Variants in ATP2B2 observed in about 807,000 individuals in gnomAD.
ATP2B2 encodes plasma membrane calcium-transporting ATPase 2.
ATP2B2 carries 15 observed loss-of-function variants against 120.0 expected under a neutral mutation model. That is an observed-to-expected ratio of 0.12 (90% CI 0.08 to 0.19). The LOEUF (loss-of-function observed/expected upper bound fraction) is 0.19. Among genes scored for constraint, ATP2B2 ranks in the 10% least tolerant of loss-of-function variants. The probability of loss-of-function intolerance (pLI) is 1.00; values close to 1 mark genes in which losing one functional copy is unlikely to be tolerated. For missense variants in ATP2B2, 1,045 were observed against 1,719.8 expected, an observed-to-expected ratio of 0.61 and a Z score of 6.94; for synonymous variants, 694 against 700.3, an observed-to-expected ratio of 0.99 and a Z score of 0.14.
At chr3:10,705,838 G>C (rs984417895) in intron 1 of ATP2B2, among the ~76,000 whole-genome samples, 2 of 152,182 alleles carry the variant, frequency 1.3e-5, no homozygotes, top group Non-Finnish European at 2.9e-5. Context: ...AGTGTGGTTG[G>C]ACCTTCCTGG....
At chr3:10,706,308 A>T (rs922114643) in intron 1 of ATP2B2, among the ~76,000 whole-genome samples, 12 of 152,178 alleles carry the variant, frequency 7.9e-5, no homozygotes, top group Non-Finnish European at 1.5e-4. Context: ...GTACAGATGG[A>T]GGAGGACTGA....
At chr3:10,516,040 G>A (rs1006679447) in intron 3 of ATP2B2, among the ~76,000 whole-genome samples, 11 of 152,164 alleles carry the variant, frequency 7.2e-5, no homozygotes, top group African/African-American at 1.9e-4. Flanking sequence ...AATCTGCCAA[G>A]GTGGGAGCAT....
chr3:10,664,678 G>A (rs527762878), intron 1 of ATP2B2, among the ~76,000 whole-genome samples: 14 of 152,138 alleles, frequency 9.2e-5, no homozygotes, highest in Non-Finnish European at 2.1e-4. Flanking sequence ...TTTAATATGC[G>A]TGTTCTCAGA....
At chr3:10,683,987 C>T (rs1367426537) in intron 1 of ATP2B2, among the ~76,000 whole-genome samples, 1 of 151,600 alleles carries the variant, frequency 6.6e-6, no homozygotes, top group African/African-American at 2.4e-5. Flanking sequence ...GTGCTCTTTC[C>T]AGAAACCTCA....
chr3:10,552,508 C>T (rs868713469), intron 2 of ATP2B2, among the ~76,000 whole-genome samples: 1 of 152,380 alleles, frequency 6.6e-6, no homozygotes. Context: ...AAAGTCTTCT[C>T]ACATACTTAA....
chr3:10,483,373 G>A (rs34890), intron 1 of ATP2B2, among the ~76,000 whole-genome samples: 102,251 of 152,122 alleles, frequency 0.67, 34,695 homozygotes, highest in Admixed American at 0.73. Context: ...CAACCTACCT[G>A]TGTCCCTACC....
chr3:10,655,139 T>C (rs2070582822), intron 1 of ATP2B2, among the ~76,000 whole-genome samples: 1 of 152,202 alleles, frequency 6.6e-6, no homozygotes. Context: ...CAAGACATAA[T>C]ATGAAATACT....
intron 8 of ATP2B2, among the ~76,000 whole-genome samples, chr3:10,382,047 T>C (rs1193619849): frequency 6.6e-6 from 1 of 152,114 alleles, no homozygotes; most frequent in Admixed American, 6.5e-5. Context: ...TTAGTAGTAA[T>C]GTGTTATTAT....
intron 1 of ATP2B2, among the ~76,000 whole-genome samples, chr3:10,704,291 A>G (rs2071865029): frequency 6.6e-6 from 1 of 152,216 alleles, no homozygotes; most frequent in African/African-American, 2.4e-5. Context: ...AGCATCTCAC[A>G]TAGCAAGTGG....
intron 2 of ATP2B2, among the ~76,000 whole-genome samples, chr3:10,604,064 T>C (rs1252794934): frequency 6.6e-6 from 1 of 152,036 alleles, no homozygotes; most frequent in Non-Finnish European, 1.5e-5. Flanking sequence ...CCTCCATACT[T>C]TTCTCCTCCC....
At chr3:10,341,468 G>A (rs1160741902) in intron 19 of ATP2B2, among the ~76,000 whole-genome samples, 1 of 152,016 alleles carries the variant, frequency 6.6e-6, no homozygotes, top group Non-Finnish European at 1.5e-5. Context: ...GCACCATCAC[G>A]CCCGGCTAAT....
At chr3:10,683,395 G>C (rs2125705129) in intron 1 of ATP2B2, among the ~76,000 whole-genome samples, 1 of 152,148 alleles carries the variant, frequency 6.6e-6, no homozygotes, top group East Asian at 1.9e-4. Context: ...GGGAAGGCAG[G>C]AATAGGGTCA....
Position 10,375,692 on chromosome 3 carries a change from T to G in ATP2B2, c.1202-48A>C. The G allele has an allele frequency of 6.4e-7, 1 of 1,566,884 alleles. No individual in the cohort carries two copies. The highest frequency in any genetic ancestry group is 8.8e-7 in the Non-Finnish European group (1 of 1,141,952). On this transcript the variant is annotated intron_variant, in intron 10 of 22. Transcript: ENST00000360273. This position sits in a 1 kb window ranked among gnomAD's most constrained non-coding sequence, Gnocchi z 4.2. The stretch of plus-strand genomic sequence containing the variant: ...TTGGGGGGTTCCAGGAAGTGGAGGC[T>G]GGGGGTGGTGTGGACCAAATCTTTG...
intron 2 of ATP2B2, among the ~76,000 whole-genome samples, chr3:10,590,851 G>C (rs567984327): frequency 5.9e-5 from 9 of 152,130 alleles, no homozygotes; most frequent in Admixed American, 2.0e-4. Flanking sequence ...AAGGCCAGCT[G>C]TTCATGTCCA....
At chr3:10,350,349 TC>T (rs2060544242) in intron 15 of ATP2B2, 48 bp downstream of exon 15, 1 of 1,613,004 alleles carries the variant, frequency 6.2e-7, no homozygotes, top group Admixed American at 1.7e-5. Flanking sequence ...ACCTCCCAGC[TC>T]CCATCTGAGC....
intron 1 of ATP2B2, among the ~76,000 whole-genome samples, chr3:10,457,766 T>C (rs2064324503): frequency 6.6e-6 from 1 of 151,950 alleles, no homozygotes; most frequent in South Asian, 2.1e-4. Context: ...TTTAGTGCTA[T>C]TTTTAGACAA....
chr3:10,681,063 G>T (rs1337287741), intron 1 of ATP2B2, among the ~76,000 whole-genome samples: 1 of 152,156 alleles, frequency 6.6e-6, no homozygotes, highest in Non-Finnish European at 1.5e-5. Flanking sequence ...TGATATGCCT[G>T]CTCCCCTTTC....
chr3:10,512,082 G>A (rs1239562505), intron 3 of ATP2B2, among the ~76,000 whole-genome samples: 1 of 152,174 alleles, frequency 6.6e-6, no homozygotes, highest in East Asian at 1.9e-4. Flanking sequence ...CAACGTAGAG[G>A]TGAGGAAACG....
rs1218006207 is a variant in ATP2B2 at position 10,340,458 on chromosome 3, C to T, written c.3129+35G>A. On this transcript the variant is annotated intron_variant, in intron 20 of 22. Coordinates refer to ENST00000360273, the MANE Select transcript of ATP2B2 (RefSeq NM_001001331.4). This position sits in a 1 kb window ranked among gnomAD's most constrained non-coding sequence, Gnocchi z 5.0. ...CCAGGGGCTCCAGCCGCTTGCTGCC[C>T]ACCCCGGGCCTGGTTAGGGTGGGGG... The T allele has an allele frequency of 6.2e-7, 1 of 1,614,092 alleles. No homozygotes were observed. Among genetic ancestry groups the T allele is most frequent in the Admixed American group, 1.7e-5 (1 of 60,026 alleles).
Sources: gnomAD v4.1 joint callset for allele counts (sites outside exome capture counted in the v4.1 genomes callset) on GRCh38, gnomAD v4.1.1 for gene constraint, Gnocchi (gnomAD v3.1) non-coding constraint, MANE v1.5 for transcripts, NCBI Gene and HGNC (gene_info 2026-07-23, HGNC 2026-07-21) for gene names.